Variants in ZNF737 observed in about 807,000 individuals in gnomAD.
ZNF737 encodes the protein zinc finger protein 737, also known as zinc finger protein 102 (Y3).
ZNF737 carries 13 observed loss-of-function variants against 11.7 expected under a neutral mutation model. The ratio of observed to expected loss-of-function variants is 1.11; its 90% CI spans 0.73 to 1.77. The LOEUF is 1.77. Among genes scored for constraint, ZNF737 ranks in the 40% most tolerant of loss-of-function variants. The probability of loss-of-function intolerance (pLI) is 0.00; values close to 1 mark genes in which losing one functional copy is unlikely to be tolerated. For synonymous variants in ZNF737, 217 were observed against 216.2 expected (o/e 1.00, Z -0.03); for missense variants, 636 against 638.0 (o/e 1.00, Z 0.03).
Position 20,544,512 on chromosome 19 carries a change from A to G in ZNF737, c.*80T>C. The G allele has an allele frequency of 4.5e-6, 7 of 1,543,018 alleles. No individual in the cohort carries two copies. The highest frequency in any genetic ancestry group is 6.1e-6 in the Non-Finnish European group (7 of 1,151,132). On this transcript the variant is annotated 3_prime_UTR_variant, in exon 4 of 4. Coordinates refer to ENST00000427401, the MANE Select transcript of ZNF737 (RefSeq NM_001159293.2). ...GCTTTGCCACATTTATCACACTTGT[A>G]CAGTTTCCCTCCAATATGAATTTTC...
intron 1 of ZNF737, among the ~76,000 whole-genome samples, chr19:20,555,179 TTTC>T (rs1555760457): frequency 1.9e-5 from 2 of 103,570 alleles, no homozygotes; most frequent in African/African-American, 8.2e-5. Context: ...AGGAATTTCT[TTTC>T]TTTTCTTTTC....
downstream of ZNF737, among the ~76,000 whole-genome samples, chr19:20,530,854 C>T (rs1341531064): frequency 2.7e-5 from 4 of 148,394 alleles, no homozygotes; most frequent in African/African-American, 2.5e-5. Flanking sequence ...GCAATCTCTG[C>T]ACTTTGGGGG....
chr19:20,553,069 C>T (rs1968755077), intron 2 of ZNF737, among the ~76,000 whole-genome samples: 1 of 150,910 alleles, frequency 6.6e-6, no homozygotes, highest in African/African-American at 2.4e-5. Flanking sequence ...TTGTAGGTTT[C>T]TTAATTTTCC....
intron 1 of ZNF737, among the ~76,000 whole-genome samples, chr19:20,558,149 T>A (rs1968958527): frequency 6.6e-6 from 1 of 151,722 alleles, no homozygotes; most frequent in Admixed American, 6.6e-5. Context: ...CTGGGCATGG[T>A]GGCTGGCACC....
At chr19:20,530,795 G>T in the ZNF737 span, among the ~76,000 whole-genome samples, 122 of 147,822 alleles carry the variant, frequency 8.3e-4, 6 homozygotes, top group Non-Finnish European at 1.0e-4. Context: ...GGGCGGCCAG[G>T]CAGAGATGCT....
chr19:20,532,206 G>C (rs1403725215), downstream of ZNF737, among the ~76,000 whole-genome samples: 1 of 149,972 alleles, frequency 6.7e-6, no homozygotes, highest in Non-Finnish European at 1.5e-5. Context: ...TCACCATTTA[G>C]ATAATTTGAT....
intron 1 of ZNF737, among the ~76,000 whole-genome samples, chr19:20,563,831 A>T (rs1308718738): frequency 2.0e-5 from 3 of 152,100 alleles, no homozygotes; most frequent in African/African-American, 4.8e-5. Flanking sequence ...AAATATATCT[A>T]CTTCTTTCAG....
At chr19:20,552,332 GAA>G (rs58829785) in intron 3 of ZNF737, 141 bp downstream of exon 3, 8,438 of 335,174 alleles carry the variant, frequency 0.025, 17 homozygotes, top group Middle Eastern at 0.052. Flanking sequence ...ATTTAAAAAA[GAA>G]AAAAAAAAAA....
At chr19:20,558,609 C>T (rs1968974514) in intron 1 of ZNF737, among the ~76,000 whole-genome samples, 1 of 152,088 alleles carries the variant, frequency 6.6e-6, no homozygotes, top group South Asian at 2.1e-4. Context: ...ACTGGAGAAA[C>T]TCTCATCTGG....
chr19:20,545,344 A>C lies in ZNF737; in HGVS notation c.859T>G (p.Cys287Gly). Residue 287 changes from cysteine to glycine, a missense_variant, in exon 4 of 4, where the codon TGT (cysteine) becomes GGT (glycine). Cys to Gly is a radical substitution (Grantham distance 159). Coordinates refer to ENST00000427401, the MANE Select transcript of ZNF737 (RefSeq NM_001159293.2). ...TTAAAGGCCTTGCCACATTCTTCAC[A>C]TTTGTAGGGTTTCTCTCCAGTATGA... ...IIHTGEKPYK[C>G]EECGKAFKRS... 1 of 1,613,812 alleles carries C rather than the reference A, an allele frequency of 6.2e-7. No individual in the cohort carries two copies. The highest frequency in any genetic ancestry group is 8.5e-7 in the Non-Finnish European group (1 of 1,179,912).
chr19:20,563,355 T>G (rs1555762970), intron 1 of ZNF737, among the ~76,000 whole-genome samples: 2 of 151,238 alleles, frequency 1.3e-5, no homozygotes, highest in African/African-American at 4.9e-5. Context: ...AATATCAGCC[T>G]TAGCTTGGAG....
At chr19:20,536,211 T>C, downstream of ZNF737, 1 of 564,120 alleles carries the variant, frequency 1.8e-6, no homozygotes, top group African/African-American at 2.0e-5. Flanking sequence ...TTAATTTTGT[T>C]GATTTCTATT....
chr19:20,538,962 A>G lies in ZNF737; in HGVS notation c.*5630T>C. On this transcript the variant is annotated 3_prime_UTR_variant, in exon 4 of 4. Transcript: ENST00000427401. ...TTTTCAGTGTTAAAGCAAATCAGAG[A>G]AGAGCAATGTGTGTACATAATGTGC... 1 of 985,416 alleles carries G rather than the reference A, an allele frequency of 1.0e-6. No individual in the cohort carries two copies. The highest frequency in any genetic ancestry group is 1.2e-6 in the Non-Finnish European group (1 of 829,926). The allele number at this position is 985,416 out of a possible 1,614,324, so 61.0% of individuals were successfully genotyped here.
At chr19:20,563,144 T>G (rs574022042) in intron 1 of ZNF737, among the ~76,000 whole-genome samples, 1 of 24,014 alleles carries the variant, frequency 4.2e-5, no homozygotes, top group African/African-American at 1.6e-4. Context: ...ACATAACAAC[T>G]TCATCATCAA....
rs1214314150 is a variant in ZNF737, at chr19:20,543,372, T to G, written c.*1220A>C. 4.1e-6 allele frequency: 4 copies of G among 986,606 alleles called. No homozygotes were observed. Among genetic ancestry groups the G allele is most frequent in the Non-Finnish European group, 3.6e-6 (3 of 829,784 alleles). 61.1% of individuals were successfully genotyped at this position (986,606 alleles called of 1,614,324 possible). On this transcript the variant is annotated 3_prime_UTR_variant, in exon 4 of 4. Transcript: ENST00000427401. ...ATGTACTATGTAACTCCCTTTATAT[T>G]TGTAATGCTTGTCTTCACAATAAAT...
At position 20,542,869 on chromosome 19, in the gene ZNF737, G is replaced by GA; in HGVS notation, c.*1722dup. ...TAGAAATAAAATAACAGCATAATTT[G>GA]AAAGCTGTATTACATCATTATTCAG... On this transcript the variant is annotated 3_prime_UTR_variant, in exon 4 of 4. Transcript: ENST00000427401. 1 of 984,872 alleles carries GA rather than the reference G, an allele frequency of 1.0e-6. No individual in the cohort carries two copies. Among genetic ancestry groups the GA allele is most frequent in the Non-Finnish European group, 1.2e-6 (1 of 829,508 alleles). The allele number at this position is 984,872 out of a possible 1,614,324, so 61.0% of individuals were successfully genotyped here.
chr19:20,559,893 G>A (rs1165553378), intron 1 of ZNF737, among the ~76,000 whole-genome samples: 1 of 152,134 alleles, frequency 6.6e-6, no homozygotes, highest in African/African-American at 2.4e-5. Flanking sequence ...ATGGTCAGAT[G>A]CAGTGGTTCA....
At chr19:20,558,782 G>A (rs1968980795) in intron 1 of ZNF737, among the ~76,000 whole-genome samples, 1 of 152,198 alleles carries the variant, frequency 6.6e-6, no homozygotes, top group Admixed American at 6.5e-5. Flanking sequence ...GATTGTGAGG[G>A]AATTTCCAGT....
rs1968174460 is a variant in ZNF737, at chr19:20,540,859, A to G, written c.*3733T>C. 1 of 945,496 alleles carries G rather than the reference A, an allele frequency of 1.1e-6. No individual in the cohort carries two copies. The allele number at this position is 945,496 out of a possible 1,614,324, so 58.6% of individuals were successfully genotyped here. On this transcript the variant is annotated 3_prime_UTR_variant, in exon 4 of 4. Coordinates refer to ENST00000427401, the MANE Select transcript of ZNF737 (RefSeq NM_001159293.2). ...CTACTTTTTAGTTTTATTCATTACA[A>G]ATAACTATTTTTCTGGCTTAAATTA... is the stretch of plus-strand genomic sequence containing the variant.
Sources: allele counts gnomAD v4.1 joint callset (sites outside exome capture counted in the v4.1 genomes callset), GRCh38; gene constraint gnomAD v4.1.1; transcripts MANE v1.5; gene names NCBI Gene and HGNC (gene_info 2026-07-23, HGNC 2026-07-21).